FAM117B: variants seen among roughly 807,000 people sequenced by gnomAD.
The protein encoded by FAM117B is protein FAM117B.
A neutral mutation model predicts 52.8 loss-of-function variants in FAM117B; 22 were observed. That is an observed-to-expected ratio of 0.42 (90% confidence interval 0.30 to 0.59). The LOEUF (loss-of-function observed/expected upper bound fraction) is 0.59, where lower values mean the gene tolerates loss of function less well. FAM117B is among the 20% of genes least tolerant of loss of function. The pLI is 0.22. For missense variants in FAM117B, 678 were observed against 802.6 expected, an observed-to-expected ratio of 0.84 and a Z score of 1.88; for synonymous variants, 309 against 324.1, an observed-to-expected ratio of 0.95 and a Z score of 0.50.
chr2:202,648,940 G>C (rs551973450), intron 1 of FAM117B, among the ~76,000 whole-genome samples: 1 of 152,152 alleles, frequency 6.6e-6, no homozygotes, highest in African/African-American at 2.4e-5. Flanking sequence ...TTTTAGTAGA[G>C]ATGGTGTTTC....
At chr2:202,716,778 C>T (rs1202466589) in intron 2 of FAM117B, among the ~76,000 whole-genome samples, 4 of 152,176 alleles carry the variant, frequency 2.6e-5, no homozygotes, top group Non-Finnish European at 5.9e-5. Flanking sequence ...ATTCTTTCCT[C>T]TGCTTGAGCA....
At chr2:202,744,475 G>T (rs762212255) in intron 4 of FAM117B, among the ~76,000 whole-genome samples, 2 of 152,030 alleles carry the variant, frequency 1.3e-5, no homozygotes, top group African/African-American at 4.8e-5. Flanking sequence ...TTCCCGTTAC[G>T]CCCCACCTTC....
chr2:202,668,515 G>A (rs1326911141), intron 1 of FAM117B, among the ~76,000 whole-genome samples: 6 of 127,366 alleles, frequency 4.7e-5, no homozygotes, highest in Non-Finnish European at 6.4e-5. Context: ...GTGACAGAGC[G>A]AGACTCTCTC....
At chr2:202,715,418 CAG>C (rs1177950221) in intron 2 of FAM117B, among the ~76,000 whole-genome samples, 1 of 149,808 alleles carries the variant, frequency 6.7e-6, no homozygotes. Context: ...GGCGGCCGGG[CAG>C]AGACGCTCCT....
At position 202,759,319 on chromosome 2, in the gene FAM117B, G is replaced by T; in HGVS notation, c.1417G>T (p.Gly473Cys). The change falls in exon 7 of 8, where the codon GGC (glycine) becomes TGC (cysteine). Residue 473 changes from glycine (G) to cysteine (C), a missense_variant. This residue lies in a region of FAM117B where 27 missense variants were observed against 77.3 expected (regional missense o/e 0.35). Coordinates refer to ENST00000392238, the MANE Select transcript of FAM117B (RefSeq NM_173511.4). ...SYMFKREPPEGCERVKVFEEC... is the reference protein window; with the variant it reads ...SYMFKREPPECCERVKVFEEC... Reference sequence around the variant, plus strand: ...TATGTTCAAAAGGGAACCTCCTGAGGGCTGTGAAAGGGTCAAAGTCTTTGA... The same window carrying T: ...TATGTTCAAAAGGGAACCTCCTGAGTGCTGTGAAAGGGTCAAAGTCTTTGA... 1 of 1,613,906 alleles carries T rather than the reference G, an allele frequency of 6.2e-7. No homozygotes were observed. The highest frequency in any genetic ancestry group is 8.5e-7 in the Non-Finnish European group (1 of 1,179,980).
At chr2:202,636,044 G>C (rs556055537) in intron 1 of FAM117B, among the ~76,000 whole-genome samples, 50 of 151,556 alleles carry the variant, frequency 3.3e-4, no homozygotes, top group Admixed American at 6.6e-4. Flanking sequence ...TGGAGGTGCA[G>C]CGGCTAAACC....
At chr2:202,679,723 A>T (rs1690434669) in intron 1 of FAM117B, among the ~76,000 whole-genome samples, 1 of 152,328 alleles carries the variant, frequency 6.6e-6, no homozygotes, top group African/African-American at 2.4e-5. Flanking sequence ...CAAGTTGATG[A>T]ACAGGTTACT....
chr2:202,646,990 G>A (rs1689877832), intron 1 of FAM117B, among the ~76,000 whole-genome samples: 1 of 152,060 alleles, frequency 6.6e-6, no homozygotes, highest in African/African-American at 2.4e-5. Context: ...TTTTTTGGGG[G>A]AAAATGTGCA....
chr2:202,717,848 A>G (rs1223310067), intron 2 of FAM117B, among the ~76,000 whole-genome samples: 1 of 152,154 alleles, frequency 6.6e-6, no homozygotes, highest in East Asian at 1.9e-4. Context: ...TGCAGTTAGT[A>G]GGTGGCAAAA....
At chr2:202,754,300 T>C (rs2105798722) in intron 4 of FAM117B, among the ~76,000 whole-genome samples, 1 of 152,262 alleles carries the variant, frequency 6.6e-6, no homozygotes. Context: ...CCGCATGTTC[T>C]CACTCATAAG....
At chr2:202,644,577 T>G (rs1387414243) in intron 1 of FAM117B, among the ~76,000 whole-genome samples, 3 of 152,212 alleles carry the variant, frequency 2.0e-5, no homozygotes, top group African/African-American at 2.4e-5. Flanking sequence ...CTCTAATTTC[T>G]GGATGTTGTT....
In FAM117B at chr2:202,731,332, A is replaced by AAAATATATATATAT. The variant is rs1553522256; in HGVS notation, c.960+4970_960+4971insAATATATATATATA. Among the ~76,000 whole-genome samples, 98 of 30,766 alleles carry AAAATATATATATAT rather than the reference A, an allele frequency of 3.2e-3. 2 individuals are homozygous for AAAATATATATATAT. Among genetic ancestry groups the AAAATATATATATAT allele is most frequent in the Non-Finnish European group, 8.2e-3 (79 of 9,598 alleles). The allele number at this position is 30,766 out of a possible 152,430, so 20.2% of individuals were successfully genotyped here. On this transcript the variant is annotated intron_variant, in intron 4 of 7. Coordinates refer to ENST00000392238, the MANE Select transcript of FAM117B (RefSeq NM_173511.4). ...TCAGGGGAGGATGTGGAGAAATTGG[A>AAAATATATATATAT]ATATATATATATATATATATATATA...
chr2:202,708,162 A>C (rs1342415494), intron 2 of FAM117B, among the ~76,000 whole-genome samples: 2 of 152,244 alleles, frequency 1.3e-5, no homozygotes, highest in East Asian at 3.9e-4. Flanking sequence ...ATAATTATAC[A>C]GCAGATCTCT....
chr2:202,764,379 C>G (rs1237367106), intron 7 of FAM117B, among the ~76,000 whole-genome samples: 4 of 152,102 alleles, frequency 2.6e-5, no homozygotes, highest in Non-Finnish European at 5.9e-5. Context: ...ATCCTCCCAC[C>G]TCAGCCTCCC....
intron 1 of FAM117B, among the ~76,000 whole-genome samples, chr2:202,655,759 AGAGT>A (rs1456828984): frequency 4.4e-3 from 536 of 121,680 alleles, no homozygotes; most frequent in Non-Finnish European, 6.3e-3. Flanking sequence ...AGAGAGAGAG[AGAGT>A]GTGTGTGTGT....
At chr2:202,719,980 C>T (rs534053394) in intron 2 of FAM117B, among the ~76,000 whole-genome samples, 3 of 152,036 alleles carry the variant, frequency 2.0e-5, no homozygotes, top group Non-Finnish European at 4.4e-5. Flanking sequence ...CTTTCTGTGC[C>T]TGTGGATCAA....
chr2:202,737,783 G>A (rs1022721518), intron 4 of FAM117B, among the ~76,000 whole-genome samples: 1 of 151,876 alleles, frequency 6.6e-6, no homozygotes, highest in African/African-American at 2.4e-5. Flanking sequence ...TGTATTTTTC[G>A]TAGAGACAGG....
At chr2:202,710,078 T>C (rs2105781820) in intron 2 of FAM117B, among the ~76,000 whole-genome samples, 1 of 152,342 alleles carries the variant, frequency 6.6e-6, no homozygotes. Flanking sequence ...TCTAGCTTTG[T>C]TCTTTCTCAA....
chr2:202,755,515 C>G, intron 4 of FAM117B, 23 bp from the exon 5 acceptor site: 1 of 1,611,810 alleles, frequency 6.2e-7, no homozygotes, highest in African/African-American at 1.3e-5. Flanking sequence ...TTAAGCCTCT[C>G]TTCTCCATCC....
Sources: gnomAD v4.1 joint callset for allele counts (sites outside exome capture counted in the v4.1 genomes callset) on GRCh38, gnomAD v4.1.1 for gene constraint, gnomAD v4.1.1 regional missense constraint, MANE v1.5 for transcripts, NCBI Gene and HGNC (gene_info 2026-07-23, HGNC 2026-07-21) for gene names.